The following CDH6 variants were observed in gnomAD, a reference collection of about 807,000 sequenced individuals.
CDH6 encodes the protein cadherin 6.
CDH6 carries 31 observed loss-of-function variants against 78.0 expected under a neutral mutation model. The ratio of observed to expected loss-of-function variants is 0.40; its 90% CI spans 0.30 to 0.54. The LOEUF is 0.54. CDH6 is among the 20% of genes least tolerant of loss of function. The pLI is 0.56. For missense variants in CDH6, 724 were observed against 975.9 expected (o/e 0.74, Z 3.44); for synonymous variants, 376 against 368.8 (o/e 1.02, Z -0.23).
intron 2 of CDH6, among the ~76,000 whole-genome samples, chr5:31,291,412 C>T (rs1175111856): frequency 6.6e-6 from 1 of 152,172 alleles, no homozygotes; most frequent in Non-Finnish European, 1.5e-5. Context: ...GCTTTTGTTG[C>T]ATGTTTACAT....
chr5:31,257,343 T>C lies in CDH6; in HGVS notation c.-128-10003T>C, dbSNP rs572572801. On this transcript the variant is annotated intron_variant, in intron 1 of 11. Coordinates refer to ENST00000265071, the MANE Select transcript of CDH6 (RefSeq NM_004932.4). The stretch of plus-strand genomic sequence containing the variant: ...ACGCTCGGCTAATTTTTTTGTATTT[T>C]TAGTAGAGATGGGGTTTCACCGTGT... Among the ~76,000 whole-genome samples, 63 of 152,276 alleles carry C rather than the reference T, an allele frequency of 4.1e-4. No homozygotes were observed. In the South Asian group the frequency reaches 0.012, roughly 29 times the overall value.
At chr5:31,229,915 T>A (rs367827384) in intron 1 of CDH6, among the ~76,000 whole-genome samples, 14 of 152,180 alleles carry the variant, frequency 9.2e-5, no homozygotes, top group African/African-American at 3.4e-4. Flanking sequence ...GTGACTTGGA[T>A]CCTGGTATGA....
intron 1 of CDH6, among the ~76,000 whole-genome samples, chr5:31,252,328 GGTGTGTGTGT>G (rs5867065): frequency 6.7e-6 from 1 of 148,924 alleles, no homozygotes; most frequent in South Asian, 2.2e-4. Context: ...ATGTGTGTGT[GGTGTGTGTGT>G]GTGTGTGTGT....
At chr5:31,242,951 T>A (rs2149920222) in intron 1 of CDH6, among the ~76,000 whole-genome samples, 1 of 152,166 alleles carries the variant, frequency 6.6e-6, no homozygotes, top group Middle Eastern at 3.4e-3. Flanking sequence ...GCACTTCAAG[T>A]TTCTATCACT....
rs1742391940 is a variant in CDH6, at chr5:31,267,406, G to A, written c.-68G>A. ...AGGAAGGAGGAATGAGGCTGGATAC[G>A]GTGCAGTGAAAAAGGCACTTCCAAG... is the stretch of plus-strand genomic sequence containing the variant. On this transcript the variant is annotated 5_prime_UTR_variant, in exon 2 of 12. Coordinates refer to ENST00000265071, the MANE Select transcript of CDH6 (RefSeq NM_004932.4). 6.6e-6 allele frequency: 7 copies of A among 1,061,556 alleles called. No homozygotes were observed. Among genetic ancestry groups the A allele is most frequent in the South Asian group, 3.8e-5 (3 of 78,174 alleles). 65.8% of individuals were successfully genotyped at this position (1,061,556 alleles called of 1,614,324 possible). A position where few individuals can be genotyped will look rare whatever the true frequency, so the allele number is the denominator to read the frequency against.
chr5:31,322,729 T>C (rs113992105), intron 11 of CDH6, 89 bp from the exon 12 acceptor site: 2 of 1,465,854 alleles, frequency 1.4e-6, no homozygotes, highest in Admixed American at 2.2e-5. Context: ...CTTTTAAAAC[T>C]TCACATTTGA....
At chr5:31,231,117 T>A (rs1470616548) in intron 1 of CDH6, among the ~76,000 whole-genome samples, 1 of 152,250 alleles carries the variant, frequency 6.6e-6, no homozygotes, top group Admixed American at 6.5e-5. Flanking sequence ...ATTTTCATCT[T>A]AGGGTGATTC....
intron 1 of CDH6, among the ~76,000 whole-genome samples, chr5:31,231,344 A>G (rs1741305292): frequency 6.6e-6 from 1 of 152,168 alleles, no homozygotes; most frequent in African/African-American, 2.4e-5. Context: ...TAGTATCCTT[A>G]ACAGATTACT....
At chr5:31,288,482 G>A (rs1446543347) in intron 2 of CDH6, among the ~76,000 whole-genome samples, 1 of 152,062 alleles carries the variant, frequency 6.6e-6, no homozygotes, top group Non-Finnish European at 1.5e-5. Flanking sequence ...TACCCAACAA[G>A]CTTTTCCCAG....
At position 31,302,796 on chromosome 5, in the gene CDH6, G is replaced by A. The variant is rs1219547314; in HGVS notation, c.999+498G>A. ...AAGAAGAAAGAGAGAGAGAGAGAGA[G>A]AGAGAAAGAAAGAAAGAAAGAAAGA... On this transcript the variant is annotated intron_variant, in intron 6 of 11. Transcript: ENST00000265071. Among the ~76,000 whole-genome samples the A allele has an allele frequency of 3.9e-3, 123 of 31,152 alleles. 2 individuals carry two copies. Among genetic ancestry groups the A allele is most frequent in the Middle Eastern group, 0.018 (1 of 56 alleles). 20.4% of individuals were successfully genotyped at this position (31,152 alleles called of 152,430 possible).
At chr5:31,217,612 G>A (rs145344143) in intron 1 of CDH6, among the ~76,000 whole-genome samples, 1 of 152,118 alleles carries the variant, frequency 6.6e-6, no homozygotes, top group Non-Finnish European at 1.5e-5. Context: ...CAGACACTGG[G>A]ATGCTGTAAT....
In CDH6 at chr5:31,210,076, T is replaced by TTGTGTGTGTGTGTGTGTGTGTG. The variant is rs60543109; in HGVS notation, c.-129+16202_-129+16223dup. Among the ~76,000 whole-genome samples, 134 of 146,556 alleles carry TTGTGTGTGTGTGTGTGTGTGTG rather than the reference T, an allele frequency of 9.1e-4. 1 individual carries two copies. The highest frequency in any genetic ancestry group is 2.7e-3 in the South Asian group (12 of 4,458). ...ATTCTTGGGACCAGCTTTTCTTAAA[T>TTGTGTGTGTGTGTGTGTGTGTG]TGTGTGTGTGTGTGTGTGTGTGTGT... On this transcript the variant is annotated intron_variant, in intron 1 of 11. Coordinates refer to ENST00000265071, the MANE Select transcript of CDH6 (RefSeq NM_004932.4).
At chr5:31,302,325 A>G (rs1206790081) in intron 6 of CDH6, 27 bp downstream of exon 6, 25 of 1,534,328 alleles carry the variant, frequency 1.6e-5, no homozygotes, top group Non-Finnish European at 2.2e-5. Flanking sequence ...AACACCATAC[A>G]GAGTGAACCC....
intron 1 of CDH6, among the ~76,000 whole-genome samples, chr5:31,240,620 C>T (rs576233185): frequency 6.6e-6 from 1 of 152,272 alleles, no homozygotes; most frequent in African/African-American, 2.4e-5. Flanking sequence ...TCAGACAGCT[C>T]ACCAACTACC....
rs1223609252 is a variant in CDH6, at chr5:31,324,243, T to C, written c.*935T>C. 1 of 212,592 alleles carries C rather than the reference T, an allele frequency of 4.7e-6. No homozygotes were observed. Among genetic ancestry groups the C allele is most frequent in the African/African-American group, 2.3e-5 (1 of 44,314 alleles). 13.2% of individuals were successfully genotyped at this position (212,592 alleles called of 1,614,324 possible). On this transcript the variant is annotated 3_prime_UTR_variant, in exon 12 of 12. Coordinates refer to ENST00000265071, the MANE Select transcript of CDH6 (RefSeq NM_004932.4). Reference sequence around the variant, plus strand: ...AGTTGTCAGTATTATTCTACTATACTGTACATGAAAGTAGCAGTGTGAAGT... The same window carrying C: ...AGTTGTCAGTATTATTCTACTATACCGTACATGAAAGTAGCAGTGTGAAGT...
At chr5:31,271,697 C>T (rs1407332081) in intron 2 of CDH6, among the ~76,000 whole-genome samples, 1 of 152,086 alleles carries the variant, frequency 6.6e-6, no homozygotes, top group Non-Finnish European at 1.5e-5. Context: ...TAAACCACAT[C>T]TCCATTTGGG....
intron 1 of CDH6, among the ~76,000 whole-genome samples, chr5:31,246,355 C>A (rs900653266): frequency 2.0e-5 from 3 of 152,048 alleles, no homozygotes; most frequent in African/African-American, 7.2e-5. Flanking sequence ...TATTGCTCAG[C>A]CAAATGAGTT....
At chr5:31,274,323 G>A (rs972908944) in intron 2 of CDH6, among the ~76,000 whole-genome samples, 1 of 152,120 alleles carries the variant, frequency 6.6e-6, no homozygotes, top group Admixed American at 6.5e-5. Flanking sequence ...ACTTCCCTCT[G>A]TGCACAGTAG....
chr5:31,323,879 T>C lies in CDH6; in HGVS notation c.*571T>C, dbSNP rs939329547. On this transcript the variant is annotated 3_prime_UTR_variant, in exon 12 of 12. Coordinates refer to ENST00000265071, the MANE Select transcript of CDH6 (RefSeq NM_004932.4). ...ATTCAAAACCTCAAATCCACCCATA[T>C]GTTAAAATTCTCATTACTCTTAAGG... is the stretch of plus-strand genomic sequence containing the variant. The C allele has an allele frequency of 8.7e-6, 2 of 229,582 alleles. No individual in the cohort carries two copies. The highest frequency in any genetic ancestry group is 4.4e-5 in the African/African-American group (2 of 45,140). The allele number at this position is 229,582 out of a possible 1,614,324, so 14.2% of individuals were successfully genotyped here. A position where few individuals can be genotyped will look rare whatever the true frequency, so the allele number is the denominator to read the frequency against.
Sources: gnomAD v4.1 joint callset for allele counts (sites outside exome capture counted in the v4.1 genomes callset) on GRCh38, gnomAD v4.1.1 for gene constraint, MANE v1.5 for transcripts, NCBI Gene and HGNC (gene_info 2026-07-23, HGNC 2026-07-21) for gene names.